FANCM: variants seen among roughly 807,000 people sequenced by gnomAD.
FANCM encodes Fanconi anemia group M protein.
In FANCM, 140 loss-of-function variants were observed where a neutral mutation model predicts 199.5. The ratio of observed to expected loss-of-function variants is 0.70; its 90% CI spans 0.61 to 0.81. The LOEUF (loss-of-function observed/expected upper bound fraction) is 0.81. Among genes scored for constraint, FANCM ranks in the 30% least tolerant of loss-of-function variants. FANCM has a pLI of 0.00. For synonymous variants in FANCM, 840 were observed against 836.8 expected (o/e 1.00, Z -0.07); for missense variants, 2,410 against 2,421.4 (o/e 1.00, Z 0.10).
intron 20 of FANCM, among the ~76,000 whole-genome samples, chr14:45,192,492 A>C (rs1437175954): frequency 6.6e-6 from 1 of 152,136 alleles, no homozygotes; most frequent in African/African-American, 2.4e-5. Context: ...AAATACAAAA[A>C]ATTAGCCAGA....
rs1464544799 is a variant in FANCM, at chr14:45,142,607, C to A, written c.759+1898C>A. 1.3e-4 allele frequency among the ~76,000 whole-genome samples: 19 copies of A among 151,984 alleles called. 1 individual carries two copies. In the East Asian group the frequency reaches 3.7e-3, roughly 29 times the overall value. On this transcript the variant is annotated intron_variant, in intron 3 of 22. Coordinates refer to ENST00000267430, the MANE Select transcript of FANCM (RefSeq NM_020937.4). ...AGGTGTGAGCCACTGTGCCCGGCCGCTTCCTCTTTTTTCTTGTTTTCCATG... is the reference window on the plus strand; with the variant it reads ...AGGTGTGAGCCACTGTGCCCGGCCGATTCCTCTTTTTTCTTGTTTTCCATG...
intron 16 of FANCM, among the ~76,000 whole-genome samples, chr14:45,183,175 G>C (rs1241232305): frequency 6.6e-6 from 1 of 152,106 alleles, no homozygotes; most frequent in African/African-American, 2.4e-5. Context: ...ACATCTGATT[G>C]ACTTATCAGA....
chr14:45,159,346 TGTTA>T, intron 9 of FANCM, 66 bp downstream of exon 9: 2 of 1,275,012 alleles, frequency 1.6e-6, no homozygotes, highest in East Asian at 2.5e-5. Context: ...GTTCTTTTTT[TGTTA>T]GTTTTAACTC....
Position 45,175,703 on chromosome 14 carries a change from A to T in FANCM, c.2949A>T (p.Thr983=). ...AATTTTATAATTGTCACTCATTGAC[A>T]AAAGAGGTACTAGCTAATGTAGAGA... ...DDQFYNCHSL[T]KEVLANVERF... is the part of the protein sequence containing the mutation. The change falls in exon 14 of 23, where the codon ACA becomes ACT. Residue 983 remains threonine, a synonymous_variant. Coordinates refer to ENST00000267430, the MANE Select transcript of FANCM (RefSeq NM_020937.4). 1 of 1,613,838 alleles carries T rather than the reference A, an allele frequency of 6.2e-7. No homozygotes were observed. Among genetic ancestry groups the T allele is most frequent in the Non-Finnish European group, 8.5e-7 (1 of 1,179,822 alleles).
chr14:45,155,384 A>T lies in FANCM; in HGVS notation c.1321A>T (p.Lys441Ter). ...ISAIQQGDKN[K>*]KFVYSHPKLK... ...TTGTTTTGTTCCAGGAGATAAAAAT[A>T]AAAAATTTGTTTATAGTCATCCAAA... The change falls in exon 8 of 23, where the codon AAA (lysine) becomes TAA (stop). Residue 441 changes from lysine (K) to a stop codon, truncating the protein, a stop_gained. Coordinates refer to ENST00000267430, the MANE Select transcript of FANCM (RefSeq NM_020937.4). LOFTEE classifies it high-confidence loss of function. 7.3e-7 allele frequency: 1 copy of T among 1,376,532 alleles called. No individual in the cohort carries two copies. Among genetic ancestry groups the T allele is most frequent in the South Asian group, 1.2e-5 (1 of 84,450 alleles). The allele number at this position is 1,376,532 out of a possible 1,614,324, so 85.3% of individuals were successfully genotyped here. A position where few individuals can be genotyped will look rare whatever the true frequency, so the allele number is the denominator to read the frequency against.
At chr14:45,190,817 A>C (rs1285447078) in intron 20 of FANCM, among the ~76,000 whole-genome samples, 1 of 152,152 alleles carries the variant, frequency 6.6e-6, no homozygotes, top group Non-Finnish European at 1.5e-5. Flanking sequence ...AGAACAAGAA[A>C]GTACTTCATT....
chr14:45,199,215 C>G (rs1371745621), intron 22 of FANCM, among the ~76,000 whole-genome samples: 1 of 152,180 alleles, frequency 6.6e-6, no homozygotes, highest in Non-Finnish European at 1.5e-5. Flanking sequence ...ACCTTGCAAT[C>G]TAACATTTCT....
rs757774240 is a variant in FANCM at position 45,199,752 on chromosome 14, G to A, written c.6009-118G>A. 32 of 850,872 alleles carry A rather than the reference G, an allele frequency of 3.8e-5. No homozygotes were observed. The East Asian group carries it at 6.3e-4, about 17-fold the overall frequency. The allele number at this position is 850,872 out of a possible 1,614,324, so 52.7% of individuals were successfully genotyped here. A position where few individuals can be genotyped will look rare whatever the true frequency, so the allele number is the denominator to read the frequency against. ...AATGTTCAAGACATATCAGCTGGGC[G>A]GATAATGCTTGAGATGATTTCCTTA... On this transcript the variant is annotated intron_variant, in intron 22 of 22. Transcript: ENST00000267430.
At chr14:45,149,971 A>G (rs190787847) in intron 4 of FANCM, among the ~76,000 whole-genome samples, 1 of 152,332 alleles carries the variant, frequency 6.6e-6, no homozygotes, top group Non-Finnish European at 1.5e-5. Flanking sequence ...TCAAATGTCA[A>G]TATTATAGCT....
chr14:45,188,599 C>T (rs557273822), intron 19 of FANCM, among the ~76,000 whole-genome samples: 106 of 152,160 alleles, frequency 7.0e-4, no homozygotes, highest in Admixed American at 1.8e-3. Flanking sequence ...AATTTCTAGA[C>T]GGTAAATCAT....
In FANCM at chr14:45,189,271, C is replaced by G. The variant is rs1251989664; in HGVS notation, c.5249C>G (p.Pro1750Arg). 1 of 1,613,452 alleles carries G rather than the reference C, an allele frequency of 6.2e-7. No homozygotes were observed. Among genetic ancestry groups the G allele is most frequent in the Non-Finnish European group, 8.5e-7 (1 of 1,179,516 alleles). ...ATTTCCGAAGTCTCAGACTTCAAACCTCAGAATCATAATGAAGTCCAGTCT... is the reference window on the plus strand; with the variant it reads ...ATTTCCGAAGTCTCAGACTTCAAACGTCAGAATCATAATGAAGTCCAGTCT... Reference protein sequence around the residue: ...DTISEVSDFKPQNHNEVQSTT... With the variant: ...DTISEVSDFKRQNHNEVQSTT... The change falls in exon 20 of 23, where the codon CCT becomes CGT. Residue 1750 changes from proline (P) to arginine (R), a missense_variant. Transcript: ENST00000267430.
intron 16 of FANCM, among the ~76,000 whole-genome samples, chr14:45,182,438 ACT>A (rs1418392348): frequency 6.6e-6 from 1 of 152,204 alleles, no homozygotes; most frequent in Non-Finnish European, 1.5e-5. Context: ...GTCCAGGATG[ACT>A]CTGGTTTTTG....
chr14:45,198,561 G>GT, intron 21 of FANCM, 83 bp from the exon 22 acceptor site: 1 of 714,692 alleles, frequency 1.4e-6, no homozygotes, highest in Non-Finnish European at 2.0e-6. Flanking sequence ...TAGATCTTGG[G>GT]ATTTTAATAA....
chr14:45,159,250 G>A lies in FANCM; in HGVS notation c.1551G>A (p.Thr517=), dbSNP rs139535827. 140 of 1,613,480 alleles carry A rather than the reference G, an allele frequency of 8.7e-5. No homozygotes were observed. In the African/African-American group the frequency reaches 1.5e-3, roughly 18 times the overall value. The change falls in exon 9 of 23, where the codon ACG becomes ACA. Residue 517 remains threonine (T), a synonymous_variant. Coordinates refer to ENST00000267430, the MANE Select transcript of FANCM (RefSeq NM_020937.4). The part of the protein sequence containing the change: ...TFVGHASGKS[T]KGFTQKEQLE... Reference sequence around the variant, plus strand: ...TCGGCCATGCCTCAGGGAAAAGCACGAAGGGTTTTACCCAGAAGGAGCAAC... The same window carrying A: ...TCGGCCATGCCTCAGGGAAAAGCACAAAGGGTTTTACCCAGAAGGAGCAAC...
intron 4 of FANCM, among the ~76,000 whole-genome samples, chr14:45,149,770 A>G (rs1284865633): frequency 6.6e-6 from 1 of 152,100 alleles, no homozygotes; most frequent in Non-Finnish European, 1.5e-5. Context: ...CTACCTGGCA[A>G]CATTTGGCAA....
At chr14:45,183,219 A>G (rs1339015770) in intron 16 of FANCM, among the ~76,000 whole-genome samples, 1 of 152,334 alleles carries the variant, frequency 6.6e-6, no homozygotes, top group East Asian at 1.9e-4. Context: ...CTGATGATCA[A>G]TTTGTTTTAA....
chr14:45,199,573 C>CA (rs1381006348), intron 22 of FANCM, among the ~76,000 whole-genome samples: 1 of 152,182 alleles, frequency 6.6e-6, no homozygotes, highest in African/African-American at 2.4e-5. Context: ...AACTAATTCT[C>CA]AAAGTTGCCA....
chr14:45,138,939 A>G (rs976138111), intron 2 of FANCM, among the ~76,000 whole-genome samples: 4 of 152,232 alleles, frequency 2.6e-5, no homozygotes, highest in Non-Finnish European at 5.9e-5. Context: ...TACTTTTCAT[A>G]TGTAATAGTT....
At chr14:45,178,620 G>C (rs1222628793) in intron 14 of FANCM, among the ~76,000 whole-genome samples, 2 of 152,156 alleles carry the variant, frequency 1.3e-5, no homozygotes. Flanking sequence ...CTATAGCCGA[G>C]TCCTGCATTT....
Sources: gnomAD v4.1 joint callset for allele counts (sites outside exome capture counted in the v4.1 genomes callset) on GRCh38, gnomAD v4.1.1 for gene constraint, MANE v1.5 for transcripts, NCBI Gene and HGNC (gene_info 2026-07-23, HGNC 2026-07-21) for gene names.